AGBL4: variants seen among roughly 807,000 people sequenced by gnomAD.
AGBL4 encodes cytosolic carboxypeptidase 6.
Under a neutral mutation model 66.4 loss-of-function variants are expected in AGBL4, and 58 were observed. The ratio of observed to expected loss-of-function variants is 0.87; its 90% confidence interval spans 0.71 to 1.09. The LOEUF (loss-of-function observed/expected upper bound fraction) is 1.09. Among genes scored for constraint, AGBL4 ranks in the 50% least tolerant of loss-of-function variants. The pLI is 0.00. For synonymous variants in AGBL4, 234 were observed against 222.9 expected, an observed-to-expected ratio of 1.05 and a Z score of -0.44; for missense variants, 579 against 631.0, an observed-to-expected ratio of 0.92 and a Z score of 0.88.
chr1:49,220,800 G>A (rs1009198684), intron 4 of AGBL4, among the ~76,000 whole-genome samples: 2 of 152,086 alleles, frequency 1.3e-5, no homozygotes, highest in African/African-American at 4.8e-5. Context: ...ACTTTCAGAG[G>A]CTCTGCTTCT....
At chr1:48,627,744 C>G (rs1417827500) in intron 9 of AGBL4, among the ~76,000 whole-genome samples, 2 of 152,080 alleles carry the variant, frequency 1.3e-5, no homozygotes, top group Non-Finnish European at 2.9e-5. Flanking sequence ...CTGAGGAGGG[C>G]CTTTCTCCTC....
chr1:49,445,179 C>T (rs1388221157), intron 3 of AGBL4, among the ~76,000 whole-genome samples: 1 of 151,722 alleles, frequency 6.6e-6, no homozygotes, highest in Non-Finnish European at 1.5e-5. Context: ...ACTTTGAATA[C>T]ATCATTACAT....
At chr1:49,214,811 T>C (rs965198725) in intron 4 of AGBL4, among the ~76,000 whole-genome samples, 2 of 152,228 alleles carry the variant, frequency 1.3e-5, no homozygotes, top group Admixed American at 1.3e-4. Context: ...AACCTTGAGA[T>C]TGAAGCGGTG....
At chr1:49,440,562 C>T (rs1379162843) in intron 3 of AGBL4, among the ~76,000 whole-genome samples, 7 of 152,108 alleles carry the variant, frequency 4.6e-5, no homozygotes, top group Admixed American at 3.9e-4. Context: ...TTGGTTGCTC[C>T]TAAGTTCAGT....
intron 2 of AGBL4, among the ~76,000 whole-genome samples, chr1:49,736,650 A>G (rs972567716): frequency 6.6e-6 from 1 of 152,160 alleles, no homozygotes; most frequent in African/African-American, 2.4e-5. Flanking sequence ...CTGCAACTAA[A>G]ACTAAAAGAG....
At chr1:49,643,113 A>G (rs1408049171) in intron 3 of AGBL4, among the ~76,000 whole-genome samples, 2 of 152,000 alleles carry the variant, frequency 1.3e-5, no homozygotes, top group African/African-American at 4.8e-5. Flanking sequence ...CATGAAAGAT[A>G]TATTTTAAAA....
chr1:49,917,727 A>G (rs547558469), intron 1 of AGBL4, among the ~76,000 whole-genome samples: 1 of 152,352 alleles, frequency 6.6e-6, no homozygotes, highest in Non-Finnish European at 1.5e-5. Flanking sequence ...CTCTGCACCA[A>G]GCAGACCTAA....
At chr1:48,817,577 AC>A (rs1558015666) in intron 6 of AGBL4, 1 of 158,420 alleles carries the variant, frequency 6.3e-6, no homozygotes, top group Non-Finnish European at 1.4e-5. Flanking sequence ...GGGTATCTGG[AC>A]CCCTGTTCCA....
chr1:49,875,084 T>G (rs547675475), intron 1 of AGBL4, among the ~76,000 whole-genome samples: 1 of 150,266 alleles, frequency 6.7e-6, no homozygotes, highest in Non-Finnish European at 1.5e-5. Flanking sequence ...TATTTGGTTT[T>G]TTTGTTCTTG....
chr1:49,842,376 G>T, intron 2 of AGBL4: 3 of 603,302 alleles, frequency 5.0e-6, no homozygotes, highest in South Asian at 3.8e-5. Flanking sequence ...GTTCCCCAAG[G>T]CATGTACCCA....
In AGBL4 at chr1:49,337,977, AAGG is replaced by A. The variant is rs572290442; in HGVS notation, c.283-92116_283-92114del. Among the ~76,000 whole-genome samples the A allele has an allele frequency of 1.2e-3, 177 of 152,282 alleles. 1 individual carries two copies. Among genetic ancestry groups the A allele is most frequent in the Admixed American group, 6.7e-3 (102 of 15,296 alleles). ...CCATCAGGCTCCTGTGGGTGATGGG[AAGG>A]AGGAGAAAACAAGTAATTATTAGTG... On this transcript the variant is annotated intron_variant, in intron 3 of 13. Coordinates refer to ENST00000371839, the MANE Select transcript of AGBL4 (RefSeq NM_032785.4).
intron 2 of AGBL4, among the ~76,000 whole-genome samples, chr1:49,843,551 C>T (rs188891766): frequency 6.6e-6 from 1 of 152,320 alleles, no homozygotes; most frequent in Admixed American, 6.5e-5. Context: ...ATCTTATTCA[C>T]TCTGACTGTG....
At chr1:49,283,741 A>G (rs1295254696) in intron 3 of AGBL4, among the ~76,000 whole-genome samples, 2 of 149,858 alleles carry the variant, frequency 1.3e-5, no homozygotes, top group African/African-American at 2.5e-5. Flanking sequence ...TCAGGAGCCG[A>G]TGCGATCAAC....
intron 4 of AGBL4, among the ~76,000 whole-genome samples, chr1:49,178,830 G>T (rs765925763): frequency 6.6e-6 from 1 of 152,124 alleles, no homozygotes; most frequent in Non-Finnish European, 1.5e-5. Context: ...ATTAATAAAT[G>T]AATGAATATA....
intron 3 of AGBL4, among the ~76,000 whole-genome samples, chr1:49,612,188 C>A (rs1645167475): frequency 6.6e-6 from 1 of 152,118 alleles, no homozygotes; most frequent in African/African-American, 2.4e-5. Flanking sequence ...TAATTTAACA[C>A]TTGGTGGATG....
At position 49,960,609 on chromosome 1, in the gene AGBL4, T is replaced by A. The variant is rs371994691; in HGVS notation, c.34+63154A>T. 1.4e-3 allele frequency among the ~76,000 whole-genome samples: 211 copies of A among 152,234 alleles called. 1 individual carries two copies. Among genetic ancestry groups the A allele is most frequent in the African/African-American group, 4.8e-3 (198 of 41,554 alleles). ...AACAATCAATATTTGAGATTATGGA[T>A]ATGCTAATTACCCTGATCTAATCAC... On this transcript the variant is annotated intron_variant, in intron 1 of 13. Coordinates refer to ENST00000371839, the MANE Select transcript of AGBL4 (RefSeq NM_032785.4).
chr1:49,204,945 G>T (rs1029447802), intron 4 of AGBL4, among the ~76,000 whole-genome samples: 1 of 152,098 alleles, frequency 6.6e-6, no homozygotes, highest in South Asian at 2.1e-4. Context: ...GGGTCATACA[G>T]CTAGTGATTG....
intron 6 of AGBL4, among the ~76,000 whole-genome samples, chr1:48,719,017 C>A (rs1343359730): frequency 6.6e-6 from 1 of 152,202 alleles, no homozygotes; most frequent in Non-Finnish European, 1.5e-5. Context: ...GCTAATAAAT[C>A]TCAGGATTCA....
At chr1:48,619,842 C>G (rs989612717) in intron 9 of AGBL4, among the ~76,000 whole-genome samples, 1 of 152,216 alleles carries the variant, frequency 6.6e-6, no homozygotes, top group Non-Finnish European at 1.5e-5. Context: ...AGCGTACAAA[C>G]TCCGCCTCCA....
Sources: allele counts gnomAD v4.1 joint callset (sites outside exome capture counted in the v4.1 genomes callset), GRCh38; gene constraint gnomAD v4.1.1; transcripts MANE v1.5; gene names NCBI Gene and HGNC (gene_info 2026-07-23, HGNC 2026-07-21).